COL16A1: variants seen among roughly 807,000 people sequenced by gnomAD.
The protein encoded by COL16A1 is collagen type XVI alpha 1 chain.
COL16A1 carries 189 observed loss-of-function variants against 266.3 expected under a neutral mutation model. The ratio of observed to expected loss-of-function variants is 0.71; its 90% CI spans 0.63 to 0.80. COL16A1 has a LOEUF of 0.80. Ranked by LOEUF, COL16A1 falls within the 30% of genes least tolerant of loss-of-function variation. The probability of loss-of-function intolerance (pLI) is 0.00; values close to 1 mark genes in which losing one functional copy is unlikely to be tolerated. For synonymous variants in COL16A1, 740 were observed against 782.3 expected (o/e 0.95, Z 0.90); for missense variants, 1,928 against 2,122.4 (o/e 0.91, Z 1.80).
intron 37 of COL16A1, among the ~76,000 whole-genome samples, chr1:31,681,415 C>T (rs1348611612): frequency 1.3e-5 from 2 of 152,236 alleles, no homozygotes; most frequent in Non-Finnish European, 2.9e-5. Context: ...TGCAGCCAGG[C>T]GTGTGTAGCC....
rs1422303876 is a variant in COL16A1, at chr1:31,692,481, C to T, written c.1187G>A (p.Gly396Asp). ...CAAATCCAGGCTTGTTACCTTCTCG[C>T]CTGTTGAGCCTGGGAGTCCTGAGGG... ...LGPSGLPGSTGEKGQKGEKGD... is the reference protein window; with the variant it reads ...LGPSGLPGSTDEKGQKGEKGD... The change falls in exon 16 of 71, where the codon GGC becomes GAC. Residue 396 changes from glycine to aspartate, a missense_variant. Physicochemically the swap from Gly to Asp is moderately conservative, Grantham distance 94. Around this residue, in one of 2 missense-constraint regions of COL16A1, gnomAD observed 1,552 missense variants for 1,637.2 expected, o/e 0.95. Transcript: ENST00000373672. 5.0e-6 allele frequency: 8 copies of T among 1,613,210 alleles called. No individual in the cohort carries two copies. Among genetic ancestry groups the T allele is most frequent in the Non-Finnish European group, 6.8e-6 (8 of 1,179,496 alleles).
In COL16A1 at chr1:31,661,121, T is replaced by C; in HGVS notation, c.3772-2A>G. The C allele has an allele frequency of 6.4e-7, 1 of 1,563,234 alleles. No homozygotes were observed. The highest frequency in any genetic ancestry group is 8.7e-7 in the Non-Finnish European group (1 of 1,152,722). On this transcript the variant is annotated splice_acceptor_variant, in intron 60 of 70. Transcript: ENST00000373672. LOFTEE classifies it high-confidence loss of function. ...GGGACCTGGTTTGCCACAGTCACCC[T>C]AGAAGAGAGAGGAGCAGCTGGAGCT...
At chr1:31,660,138 G>A (rs1300204224) in intron 62 of COL16A1, 1 of 157,398 alleles carries the variant, frequency 6.4e-6, no homozygotes, top group Non-Finnish European at 1.4e-5. Flanking sequence ...AGTCATCTAT[G>A]TTAGTGATGA....
At position 31,658,592 on chromosome 1, in the gene COL16A1, G is replaced by A. The variant is rs768532199; in HGVS notation, c.3931-15C>T. 2.5e-6 allele frequency: 4 copies of A among 1,591,142 alleles called. No homozygotes were observed. Among genetic ancestry groups the A allele is most frequent in the Non-Finnish European group, 3.4e-6 (4 of 1,169,078 alleles). ...CCTTTCAGACCCTAGAGAATAGGAA[G>A]GGGGACAGTGAGAGGGGAGGAAAGC... On this transcript the variant is annotated splice_polypyrimidine_tract_variant and intron_variant, in intron 63 of 70. Transcript: ENST00000373672.
Position 31,683,966 on chromosome 1 carries a change from C to T in COL16A1, c.2321G>A (p.Gly774Glu). The T allele has an allele frequency of 6.2e-7, 1 of 1,614,246 alleles. No individual in the cohort carries two copies. The highest frequency in any genetic ancestry group is 8.5e-7 in the Non-Finnish European group (1 of 1,180,036). Residue 774 changes from glycine (G) to glutamate (E), a missense_variant, in exon 33 of 71, where the codon GGA becomes GAA. Physicochemically the swap from Gly to Glu is moderately conservative, Grantham distance 98. This residue lies in a region of COL16A1 where 1,552 missense variants were observed against 1,637.2 expected (regional missense o/e 0.95). Coordinates refer to ENST00000373672, the MANE Select transcript of COL16A1 (RefSeq NM_001856.4). ...PGLPGVQGPP[G>E]LKGVQGEPGP... The stretch of plus-strand genomic sequence containing the variant: ...CACACATACCTGCACGCCCTTCAGT[C>T]CTGGGGGCCCTTGAACTCCTGGTAG...
At chr1:31,658,343 T>A (rs531218745) in intron 64 of COL16A1, 145 bp downstream of exon 64, 7 of 732,562 alleles carry the variant, frequency 9.6e-6, no homozygotes, top group Non-Finnish European at 1.4e-5. Flanking sequence ...AGCATGATCC[T>A]CAGGCCCGAA....
At position 31,685,557 on chromosome 1, in the gene COL16A1, G is replaced by A. The variant is rs200869683; in HGVS notation, c.2016+82C>T. Reference sequence around the variant, plus strand: ...TACCCCCAACTGCCCAGGGAGTCAAGAGACCCAGGCAGGACCCCTCCCCTC... The same window carrying A: ...TACCCCCAACTGCCCAGGGAGTCAAAAGACCCAGGCAGGACCCCTCCCCTC... On this transcript the variant is annotated intron_variant, in intron 29 of 70. Coordinates refer to ENST00000373672, the MANE Select transcript of COL16A1 (RefSeq NM_001856.4). This position sits in a 1 kb window ranked among gnomAD's most constrained non-coding sequence, Gnocchi z 4.0. 8 of 1,352,766 alleles carry A rather than the reference G, an allele frequency of 5.9e-6. No individual in the cohort carries two copies. In the African/African-American group the frequency reaches 7.3e-5, roughly 12 times the overall value. 83.8% of individuals were successfully genotyped at this position (1,352,766 alleles called of 1,614,324 possible). A position where few individuals can be genotyped will look rare whatever the true frequency, so the allele number is the denominator to read the frequency against.
At position 31,702,238 on chromosome 1, in the gene COL16A1, CAG is replaced by C. The variant is rs1169856787; in HGVS notation, c.-34-13_-34-12del. 6.2e-7 allele frequency: 1 copy of C among 1,613,240 alleles called. No individual in the cohort carries two copies. The highest frequency in any genetic ancestry group is 8.5e-7 in the Non-Finnish European group (1 of 1,179,526). ...CTACAGCCACAGCACCTGAAAACCA[CAG>C]AGACCGGGAAGGCGGATTTCTGAGT... is the stretch of plus-strand genomic sequence containing the variant. On this transcript the variant is annotated splice_polypyrimidine_tract_variant and intron_variant, in intron 1 of 70. Coordinates refer to ENST00000373672, the MANE Select transcript of COL16A1 (RefSeq NM_001856.4).
At chr1:31,694,803 G>A (rs1023174255) in intron 11 of COL16A1, among the ~76,000 whole-genome samples, 12 of 152,190 alleles carry the variant, frequency 7.9e-5, no homozygotes, top group East Asian at 1.9e-4. Flanking sequence ...AGCCCTTGCC[G>A]TGCTGAGCCA....
rs202020295 is a variant in COL16A1 at position 31,667,563 on chromosome 1, G to A, written c.3357+12C>T. On this transcript the variant is annotated intron_variant, in intron 52 of 70. Transcript: ENST00000373672. ...GCAGCCCTGCATCCAGCCCCACGCC[G>A]CTGGGACTCACCGGCTCTCCTTTCT... The A allele has an allele frequency of 2.3e-4, 358 of 1,587,932 alleles. 1 individual carries two copies. The African/African-American group carries it at 3.5e-3, about 15-fold the overall frequency.
At position 31,656,354 on chromosome 1, in the gene COL16A1, T is replaced by A; in HGVS notation, c.4101+46A>T. ...AGCCGTAACTTGCAGCTGGGCTTCA[T>A]CCACTCGTGAGCTTCTCCTCTCAAG... On this transcript the variant is annotated intron_variant, in intron 66 of 70. Transcript: ENST00000373672. The surrounding 1 kb of genome is among the most constrained non-coding windows in gnomAD (Gnocchi z 4.2). 6.2e-7 allele frequency: 1 copy of A among 1,607,822 alleles called. No individual in the cohort carries two copies. Among genetic ancestry groups the A allele is most frequent in the Non-Finnish European group, 8.5e-7 (1 of 1,177,388 alleles).
intron 27 of COL16A1, 32 bp downstream of exon 27, chr1:31,686,212 T>C: frequency 3.1e-6 from 5 of 1,614,094 alleles, no homozygotes; most frequent in Non-Finnish European, 4.2e-6. Flanking sequence ...CCTTGTCCTC[T>C]CCCAAGCTGT....
Position 31,668,199 on chromosome 1 carries a change from C to G in COL16A1, c.3269G>C (p.Gly1090Ala). Residue 1090 changes from glycine (G) to alanine (A), a missense_variant, in exon 51 of 71, where the codon GGT becomes GCT. By Grantham distance (60) the Gly-to-Ala change is moderately conservative. Coordinates refer to ENST00000373672, the MANE Select transcript of COL16A1 (RefSeq NM_001856.4). This position sits in a 1 kb window ranked among gnomAD's most constrained non-coding sequence, Gnocchi z 5.8. ...TGGGGGGCCCGTGGCACCTGGGTAA[C>G]CTGGTTGCCCTGGAGGACCCTGCAA... ...KGEPGPPGQP[G>A]YPGATGPPGL... The G allele has an allele frequency of 1.2e-6, 2 of 1,613,208 alleles. No homozygotes were observed. The highest frequency in any genetic ancestry group is 1.7e-4 in the Middle Eastern group (1 of 6,058).
intron 2 of COL16A1, 141 bp from the exon 3 acceptor site, chr1:31,700,256 C>T: frequency 5.2e-6 from 4 of 768,558 alleles, no homozygotes; most frequent in South Asian, 4.9e-5. Context: ...CACCACCTGC[C>T]TTCTGACCCT....
chr1:31,668,945 C>G lies in COL16A1; in HGVS notation c.3196-90G>C. 1 of 1,165,518 alleles carries G rather than the reference C, an allele frequency of 8.6e-7. No homozygotes were observed. The highest frequency in any genetic ancestry group is 1.4e-5 in the South Asian group (1 of 71,472). The allele number at this position is 1,165,518 out of a possible 1,614,324, so 72.2% of individuals were successfully genotyped here. On this transcript the variant is annotated intron_variant, in intron 49 of 70. Coordinates refer to ENST00000373672, the MANE Select transcript of COL16A1 (RefSeq NM_001856.4). The surrounding 1 kb of genome is among the most constrained non-coding windows in gnomAD (Gnocchi z 5.8). ...CCCCCTGCCCCACTGCCTTCTGTTC[C>G]CACTCCAGGCAAATATGGAGGCCAT...
At chr1:31,678,404 G>A (rs1368218554) in intron 42 of COL16A1, among the ~76,000 whole-genome samples, 1 of 152,128 alleles carries the variant, frequency 6.6e-6, no homozygotes, top group African/African-American at 2.4e-5. Flanking sequence ...GAACTGTCCT[G>A]AAAGGCATCA....
At chr1:31,691,735 C>CA in intron 17 of COL16A1, 93 bp from the exon 18 acceptor site, 1 of 1,471,494 alleles carries the variant, frequency 6.8e-7, no homozygotes, top group Non-Finnish European at 9.2e-7. Context: ...CCCACCCTCC[C>CA]TGCCCCTCCC....
chr1:31,689,715 C>T, intron 23 of COL16A1, 26 bp downstream of exon 23: 2 of 1,582,902 alleles, frequency 1.3e-6, no homozygotes, highest in Non-Finnish European at 1.7e-6. Flanking sequence ...GGGGGAGGTC[C>T]CTCAATGGTC....
chr1:31,701,175 C>G (rs1419539734), intron 2 of COL16A1, among the ~76,000 whole-genome samples: 1 of 152,192 alleles, frequency 6.6e-6, no homozygotes, highest in Non-Finnish European at 1.5e-5. Flanking sequence ...CTCCCTCCCC[C>G]AGGTCTGGTC....
Sources: gnomAD v4.1 joint callset for allele counts (sites outside exome capture counted in the v4.1 genomes callset) on GRCh38, gnomAD v4.1.1 for gene constraint, gnomAD v4.1.1 regional missense constraint, Gnocchi (gnomAD v3.1) non-coding constraint, MANE v1.5 for transcripts, NCBI Gene and HGNC (gene_info 2026-07-23, HGNC 2026-07-21) for gene names.